Variants in KLB observed in about 807,000 individuals in gnomAD.
KLB encodes the protein klotho beta.
KLB carries 44 observed loss-of-function variants against 88.4 expected under a neutral mutation model. That is an observed-to-expected ratio of 0.50 (90% CI 0.39 to 0.64). KLB has a LOEUF of 0.64. Ranked by LOEUF, KLB falls within the 30% of genes least tolerant of loss-of-function variation. The pLI is 0.00. For synonymous variants in KLB, 548 were observed against 513.4 expected (o/e 1.07, Z -0.91); for missense variants, 1,137 against 1,304.8 (o/e 0.87, Z 1.98).
chr4:39,445,723 T>C (rs1458032867), intron 3 of KLB, among the ~76,000 whole-genome samples: 3 of 150,564 alleles, frequency 2.0e-5, no homozygotes, highest in East Asian at 2.0e-4. Context: ...TGTTTCTCCA[T>C]GTTGGTCAGG....
In KLB at chr4:39,448,826, T is replaced by G; in HGVS notation, c.*140T>G. The G allele has an allele frequency of 1.2e-6, 1 of 820,220 alleles. No individual in the cohort carries two copies. The highest frequency in any genetic ancestry group is 1.9e-6 in the Non-Finnish European group (1 of 529,998). 50.8% of individuals were successfully genotyped at this position (820,220 alleles called of 1,614,324 possible). A position where few individuals can be genotyped will look rare whatever the true frequency, so the allele number is the denominator to read the frequency against. ...AAGGTGATGACAATTGTCTCTGCTG[T>G]GTGGTTCAAAGAACATTCCCTTAGG... On this transcript the variant is annotated 3_prime_UTR_variant, in exon 5 of 5. Coordinates refer to ENST00000257408, the MANE Select transcript of KLB (RefSeq NM_175737.4).
chr4:39,411,655 G>T (rs1742852606), intron 1 of KLB, among the ~76,000 whole-genome samples: 2 of 151,690 alleles, frequency 1.3e-5, no homozygotes, highest in Admixed American at 6.6e-5. Context: ...GAGTAGCTGG[G>T]ATTACAGGTG....
chr4:39,409,682 C>T (rs1053690028), intron 1 of KLB, among the ~76,000 whole-genome samples: 12 of 151,654 alleles, frequency 7.9e-5, no homozygotes, highest in African/African-American at 2.9e-4. Context: ...AATCCCAGCA[C>T]TTTGGGAGGC....
rs1489010582 is a variant in KLB at position 39,407,084 on chromosome 4, T to C, written c.135T>C (p.Ile45=). 8 of 1,614,118 alleles carry C rather than the reference T, an allele frequency of 5.0e-6. No individual in the cohort carries two copies. Among genetic ancestry groups the C allele is most frequent in the Non-Finnish European group, 4.2e-6 (5 of 1,179,948 alleles). The part of the protein sequence containing the change: ...LQRSVILSAL[I]LLRAVTGFSG... ...GATCTGTCATCCTGTCAGCACTTAT[T>C]CTGCTACGAGCTGTTACTGGATTCT... Residue 45 remains isoleucine, a synonymous_variant, in exon 1 of 5, where the codon ATT becomes ATC. Transcript: ENST00000257408.
At chr4:39,419,515 T>C (rs551796450) in intron 1 of KLB, among the ~76,000 whole-genome samples, 4 of 152,304 alleles carry the variant, frequency 2.6e-5, no homozygotes, top group Admixed American at 1.3e-4. Flanking sequence ...GGCTCACGCC[T>C]GTAATCCCAG....
At position 39,407,763 on chromosome 4, in the gene KLB, A is replaced by T. The variant is rs1411286036; in HGVS notation, c.814A>T (p.Asn272Tyr). The T allele has an allele frequency of 6.3e-6, 10 of 1,587,376 alleles. No individual in the cohort carries two copies. The South Asian group carries it at 1.1e-4, about 18-fold the overall frequency. Reference sequence around the variant, plus strand: ...AGCAGCTGTCTACACTGTGGGACACAACTTGATCAAGGTACTGTACAGCTA... The same window carrying T: ...AGCAGCTGTCTACACTGTGGGACACTACTTGATCAAGGTACTGTACAGCTA... The part of the protein sequence containing the change: ...NLAAVYTVGH[N>Y]LIKAHSKVWH... Residue 272 changes from asparagine to tyrosine, a missense_variant, in exon 1 of 5, where the codon AAC (asparagine) becomes TAC (tyrosine). Coordinates refer to ENST00000257408, the MANE Select transcript of KLB (RefSeq NM_175737.4).
intron 3 of KLB, among the ~76,000 whole-genome samples, 165 bp downstream of exon 3, chr4:39,438,160 A>G (rs1195700271): frequency 2.0e-5 from 3 of 152,136 alleles, no homozygotes; most frequent in Non-Finnish European, 4.4e-5. Flanking sequence ...AAAGAAGGAA[A>G]TAAATGCTGA....
At chr4:39,424,581 T>C (rs7680570) in intron 1 of KLB, among the ~76,000 whole-genome samples, 4,332 of 151,748 alleles carry the variant, frequency 0.029, 244 homozygotes, top group African/African-American at 0.073. Context: ...CTACACGTGA[T>C]GGCCCTTGTT....
chr4:39,427,984 C>T (rs1012486629), intron 1 of KLB, among the ~76,000 whole-genome samples: 1 of 152,282 alleles, frequency 6.6e-6, no homozygotes, highest in East Asian at 1.9e-4. Flanking sequence ...CCGTATAGTA[C>T]CAGGTAGATG....
intron 2 of KLB, among the ~76,000 whole-genome samples, chr4:39,435,972 C>A (rs57462653): frequency 0.016 from 2,443 of 152,230 alleles, 59 homozygotes; most frequent in African/African-American, 0.055. Flanking sequence ...TATTACATGA[C>A]GGCATGATGA....
intron 1 of KLB, among the ~76,000 whole-genome samples, chr4:39,408,980 T>C (rs1578198910): frequency 8.3e-6 from 1 of 120,212 alleles, no homozygotes. Flanking sequence ...AATAATTCCA[T>C]GTCTAAATTT....
rs867790362 is a variant in KLB, at chr4:39,408,923, A to G, written c.825+1149A>G. Among the ~76,000 whole-genome samples the G allele has an allele frequency of 6.7e-5, 10 of 149,988 alleles. No homozygotes were observed. In the South Asian group the frequency reaches 1.1e-3, roughly 16 times the overall value. On this transcript the variant is annotated intron_variant, in intron 1 of 4. Transcript: ENST00000257408. The stretch of plus-strand genomic sequence containing the variant: ...ACAAAAAGTAATTTAATTATTAATA[A>G]TCAAAAGCTAAATATACAGAAGTAG...
Position 39,446,273 on chromosome 4 carries a change from A to G in KLB, c.1606-59A>G, listed in dbSNP as rs1162387848. 5.4e-6 allele frequency: 8 copies of G among 1,494,332 alleles called. No individual in the cohort carries two copies. The Admixed American group carries it at 1.3e-4, about 24-fold the overall frequency. The allele number at this position is 1,494,332 out of a possible 1,614,324, so 92.6% of individuals were successfully genotyped here. On this transcript the variant is annotated intron_variant, in intron 3 of 4. Transcript: ENST00000257408. The surrounding 1 kb of genome is among the most constrained non-coding windows in gnomAD (Gnocchi z 6.4). ...CACTTTGGGAGGCAGAGGTAGGCAG[A>G]TCACTTGAGCCTCCATCTGCCAGCG...
intron 1 of KLB, among the ~76,000 whole-genome samples, chr4:39,431,675 A>T (rs995784662): frequency 6.6e-6 from 1 of 152,242 alleles, no homozygotes; most frequent in African/African-American, 2.4e-5. Context: ...TTTCTCCAGA[A>T]AATCTTCCAG....
At chr4:39,427,516 A>C (rs1332738956) in intron 1 of KLB, among the ~76,000 whole-genome samples, 1 of 152,076 alleles carries the variant, frequency 6.6e-6, no homozygotes, top group Non-Finnish European at 1.5e-5. Context: ...CTTGATACCA[A>C]AATAGAGAAG....
chr4:39,422,421 C>A (rs1578204449), intron 1 of KLB, among the ~76,000 whole-genome samples: 1 of 152,116 alleles, frequency 6.6e-6, no homozygotes. Flanking sequence ...ATAGCCTGGG[C>A]CTGATTCACC....
At chr4:39,435,413 C>G (rs570556700) in intron 2 of KLB, among the ~76,000 whole-genome samples, 1 of 152,150 alleles carries the variant, frequency 6.6e-6, no homozygotes, top group African/African-American at 2.4e-5. Context: ...CCACCGCACC[C>G]AGCCTGAAAT....
rs558756364 is a variant in KLB at position 39,424,742 on chromosome 4, T to C, written c.826-9468T>C. On this transcript the variant is annotated intron_variant, in intron 1 of 4. Coordinates refer to ENST00000257408, the MANE Select transcript of KLB (RefSeq NM_175737.4). ...TGCATCCCGGGTTCAAGCGATTCTGTTTCAGCCTCCCTGGTAGCTGGGACT... is the reference window on the plus strand; with the variant it reads ...TGCATCCCGGGTTCAAGCGATTCTGCTTCAGCCTCCCTGGTAGCTGGGACT... Among the ~76,000 whole-genome samples, 168 of 147,526 alleles carry C rather than the reference T, an allele frequency of 1.1e-3. 1 individual carries two copies. The highest frequency in any genetic ancestry group is 3.5e-3 in the Middle Eastern group (1 of 286).
Position 39,446,712 on chromosome 4 carries a change from G to C in KLB, c.1986G>C (p.Leu662=). 6.2e-7 allele frequency: 1 copy of C among 1,608,724 alleles called. No individual in the cohort carries two copies. Among genetic ancestry groups the C allele is most frequent in the East Asian group, 2.2e-5 (1 of 44,764 alleles). ...CTCTGTTGCATGCCGACGGGTGGCT[G>C]AACCCATCGACGGCCGAGGCCTTCC... ...PEPLLHADGW[L]NPSTAEAFQA... The change falls in exon 4 of 5, where the codon CTG becomes CTC. Residue 662 remains leucine (L), a synonymous_variant. Coordinates refer to ENST00000257408, the MANE Select transcript of KLB (RefSeq NM_175737.4). The surrounding 1 kb of genome is among the most constrained non-coding windows in gnomAD (Gnocchi z 6.4).
Sources: gnomAD v4.1 joint callset for allele counts (sites outside exome capture counted in the v4.1 genomes callset) on GRCh38, gnomAD v4.1.1 for gene constraint, Gnocchi (gnomAD v3.1) non-coding constraint, MANE v1.5 for transcripts, NCBI Gene and HGNC (gene_info 2026-07-23, HGNC 2026-07-21) for gene names.